The following MINDY2 variants were observed in gnomAD, a reference collection of about 807,000 sequenced individuals.
The protein encoded by MINDY2 is ubiquitin carboxyl-terminal hydrolase MINDY-2.
Under a neutral mutation model 68.2 loss-of-function variants are expected in MINDY2, and 52 were observed. The observed-to-expected ratio is 0.76, with a 90% CI of 0.61 to 0.96. The LOEUF is 0.96. MINDY2 is among the 40% of genes least tolerant of loss of function. The pLI is 0.00. For missense variants in MINDY2, 881 were observed against 773.4 expected, an observed-to-expected ratio of 1.14 and a Z score of -1.65; for synonymous variants, 372 against 303.0, an observed-to-expected ratio of 1.23 and a Z score of -2.36.
In MINDY2 at chr15:58,772,238, A is replaced by G. The variant is rs753361790; in HGVS notation, c.840+3A>G. Reference sequence around the variant, plus strand: ...ATGTTTTGCTCCTGGCCTGGAAGGTACATTCTGCAGCTTTCTACTTCCTAC... The same window carrying G: ...ATGTTTTGCTCCTGGCCTGGAAGGTGCATTCTGCAGCTTTCTACTTCCTAC... On this transcript the variant is annotated splice_donor_region_variant and intron_variant, in intron 1 of 8. Transcript: ENST00000559228. 2 of 1,609,244 alleles carry G rather than the reference A, an allele frequency of 1.2e-6. No individual in the cohort carries two copies.
intron 6 of MINDY2, among the ~76,000 whole-genome samples, chr15:58,834,373 A>T (rs1401783898): frequency 6.6e-6 from 1 of 152,136 alleles, no homozygotes; most frequent in Non-Finnish European, 1.5e-5. Flanking sequence ...CCATCCTTTA[A>T]GAAGCTTTTA....
rs1323896229 is a variant in MINDY2, at chr15:58,791,294, A to G, written c.898+3331A>G. 1.3e-4 allele frequency among the ~76,000 whole-genome samples: 18 copies of G among 141,238 alleles called. No homozygotes were observed. In the East Asian group the frequency reaches 3.6e-3, roughly 28 times the overall value. The allele number at this position is 141,238 out of a possible 152,430, so 92.7% of individuals were successfully genotyped here. A position where few individuals can be genotyped will look rare whatever the true frequency, so the allele number is the denominator to read the frequency against. On this transcript the variant is annotated intron_variant, in intron 2 of 8. Coordinates refer to ENST00000559228, the MANE Select transcript of MINDY2 (RefSeq NM_001040450.3). ...GGAGAGGTCTGGATCAGCACTTTCA[A>G]TTAAAATTTCTGTAATGATAGAAAT...
rs1215458146 is a variant in MINDY2 at position 58,861,531 on chromosome 15, A to T, written c.*6921A>T. The T allele has an allele frequency of 3.9e-5, 6 of 152,214 alleles. No homozygotes were observed. The highest frequency in any genetic ancestry group is 1.4e-4 in the African/African-American group (6 of 41,456). 9.4% of individuals were successfully genotyped at this position (152,214 alleles called of 1,614,324 possible). A position where few individuals can be genotyped will look rare whatever the true frequency, so the allele number is the denominator to read the frequency against. Reference sequence around the variant, plus strand: ...ATACATTTTTTGCATAAAGATACCTAAAACCATCTACCCAGCTTAGGGTTG... The same window carrying T: ...ATACATTTTTTGCATAAAGATACCTTAAACCATCTACCCAGCTTAGGGTTG... On this transcript the variant is annotated 3_prime_UTR_variant, in exon 9 of 9. Coordinates refer to ENST00000559228, the MANE Select transcript of MINDY2 (RefSeq NM_001040450.3).
intron 6 of MINDY2, among the ~76,000 whole-genome samples, chr15:58,845,870 C>T (rs2032504087): frequency 1.3e-5 from 2 of 152,082 alleles, no homozygotes. Context: ...ACACACAAAA[C>T]AGAATGACAT....
chr15:58,781,576 C>G (rs1567038343), intron 1 of MINDY2, among the ~76,000 whole-genome samples: 1 of 152,184 alleles, frequency 6.6e-6, no homozygotes, highest in East Asian at 1.9e-4. Context: ...GCCTTTTTAA[C>G]TTGTGGGTTG....
chr15:58,831,630 A>G (rs1455701869), intron 5 of MINDY2, 144 bp from the exon 6 acceptor site: 8 of 610,180 alleles, frequency 1.3e-5, no homozygotes, highest in Non-Finnish European at 2.2e-5. Flanking sequence ...ACAAATGTCC[A>G]GTTTGGAGCC....
chr15:58,831,275 T>G (rs1283385344), intron 5 of MINDY2, among the ~76,000 whole-genome samples: 1 of 152,110 alleles, frequency 6.6e-6, no homozygotes, highest in Non-Finnish European at 1.5e-5. Context: ...AAAGCAAGAA[T>G]TGAGAAGTTT....
At chr15:58,796,415 T>C (rs1268412008) in intron 2 of MINDY2, among the ~76,000 whole-genome samples, 9 of 152,234 alleles carry the variant, frequency 5.9e-5, no homozygotes, top group Admixed American at 4.6e-4. Flanking sequence ...ATTAAGTAGA[T>C]TGTGGCAAGA....
intron 8 of MINDY2, among the ~76,000 whole-genome samples, chr15:58,852,497 A>G (rs2032870623): frequency 6.6e-6 from 1 of 152,144 alleles, no homozygotes. Flanking sequence ...AATAGCTGCA[A>G]AGAAAATAAG....
chr15:58,807,655 G>T (rs1338366360), intron 3 of MINDY2, among the ~76,000 whole-genome samples: 1 of 152,194 alleles, frequency 6.6e-6, no homozygotes. Context: ...GAGCCATTGC[G>T]CCCGGCCTAA....
rs559700217 is a variant in MINDY2 at position 58,843,751 on chromosome 15, G to A, written c.1369-3546G>A. 1.2e-3 allele frequency among the ~76,000 whole-genome samples: 183 copies of A among 148,444 alleles called. 1 individual carries two copies. The highest frequency in any genetic ancestry group is 2.4e-3 in the Non-Finnish European group (162 of 67,458). ...CAGGAGGCTGAGGCAGGAGAATGGC[G>A]TGAACCTGGGAGGCGGAGTTTGCAG... is the stretch of plus-strand genomic sequence containing the variant. On this transcript the variant is annotated intron_variant, in intron 6 of 8. Transcript: ENST00000559228.
chr15:58,791,253 A>ATATATATATATATC (rs1567043806), intron 2 of MINDY2, among the ~76,000 whole-genome samples: 4 of 128,566 alleles, frequency 3.1e-5, no homozygotes, highest in Admixed American at 7.9e-5. Context: ...ATATATATAT[A>ATATATATATATATC]TATCTTGAGT....
In MINDY2 at chr15:58,851,974, TA is replaced by T; in HGVS notation, c.1737+10del. 1 of 1,568,990 alleles carries T rather than the reference TA, an allele frequency of 6.4e-7. No individual in the cohort carries two copies. Among genetic ancestry groups the T allele is most frequent in the African/African-American group, 1.4e-5 (1 of 71,942 alleles). ...CTTCTACACAGGCTCAGGTAAAAAC[TA>T]GTGTTTTGAGTCTTAAATGTGATGA... On this transcript the variant is annotated intron_variant, in intron 8 of 8. Coordinates refer to ENST00000559228, the MANE Select transcript of MINDY2 (RefSeq NM_001040450.3).
At chr15:58,772,639 A>C (rs1900509747) in intron 1 of MINDY2, among the ~76,000 whole-genome samples, 1 of 152,184 alleles carries the variant, frequency 6.6e-6, no homozygotes, top group Admixed American at 6.5e-5. Flanking sequence ...GATATCATGG[A>C]CTAAGTTTTC....
chr15:58,799,979 A>G (rs1230582026), intron 2 of MINDY2, among the ~76,000 whole-genome samples: 1 of 152,240 alleles, frequency 6.6e-6, no homozygotes, highest in African/African-American at 2.4e-5. Flanking sequence ...ATAGTTAAGA[A>G]AAATAATAGA....
At chr15:58,832,483 C>G (rs1238134718) in intron 6 of MINDY2, among the ~76,000 whole-genome samples, 2 of 150,294 alleles carry the variant, frequency 1.3e-5, no homozygotes, top group African/African-American at 2.5e-5. Context: ...CCGCCTCAGC[C>G]TCCCAAAGTG....
rs1902635541 is a variant in MINDY2, at chr15:58,801,305, A to G, written c.899-1008A>G. 2.0e-5 allele frequency among the ~76,000 whole-genome samples: 3 copies of G among 147,698 alleles called. No individual in the cohort carries two copies. In the South Asian group the frequency reaches 6.8e-4, roughly 34 times the overall value. On this transcript the variant is annotated intron_variant, in intron 2 of 8. Transcript: ENST00000559228. The stretch of plus-strand genomic sequence containing the variant: ...AGCTTTTACAGTTCAATAAGAAAAG[A>G]TAGGCCAGGAACGGTGGCTCATGCC...
intron 6 of MINDY2, among the ~76,000 whole-genome samples, chr15:58,834,124 C>T (rs1182137496): frequency 6.6e-6 from 1 of 152,114 alleles, no homozygotes; most frequent in Non-Finnish European, 1.5e-5. Context: ...TCCATTTAAC[C>T]CTTAGTTGAC....
intron 2 of MINDY2, chr15:58,796,062 T>C (rs1182868766): frequency 4.4e-6 from 2 of 454,994 alleles, no homozygotes; most frequent in Non-Finnish European, 8.8e-6. Flanking sequence ...AGTGATGAGA[T>C]GGAAATGGAG....
Sources: allele counts gnomAD v4.1 joint callset (sites outside exome capture counted in the v4.1 genomes callset), GRCh38; gene constraint gnomAD v4.1.1; transcripts MANE v1.5; gene names NCBI Gene and HGNC (gene_info 2026-07-23, HGNC 2026-07-21).